Variants in C2CD3 observed in about 807,000 individuals in gnomAD.
C2CD3 encodes C2 domain-containing protein 3.
A neutral mutation model predicts 234.0 loss-of-function variants in C2CD3; 148 were observed. The ratio of observed to expected loss-of-function variants is 0.63; its 90% CI spans 0.55 to 0.72. C2CD3 has a LOEUF of 0.72. Ranked by LOEUF, C2CD3 falls within the 30% of genes least tolerant of loss-of-function variation. The pLI is 0.00. For missense variants in C2CD3, 2,577 were observed against 2,811.5 expected (o/e 0.92, Z 1.89); for synonymous variants, 1,000 against 1,035.4 (o/e 0.97, Z 0.66).
chr11:74,136,597 C>T (rs754492455), intron 5 of C2CD3, among the ~76,000 whole-genome samples: 2 of 152,164 alleles, frequency 1.3e-5, no homozygotes, highest in Non-Finnish European at 2.9e-5. Context: ...GCCTACCTCA[C>T]GTGACTTTTG....
At chr11:74,055,575 A>T (rs1192820355) in intron 25 of C2CD3, among the ~76,000 whole-genome samples, 1 of 152,248 alleles carries the variant, frequency 6.6e-6, no homozygotes, top group Non-Finnish European at 1.5e-5. Context: ...AATATTGGTC[A>T]GAGATTCTAA....
chr11:74,032,699 C>A (rs991244563), intron 31 of C2CD3, among the ~76,000 whole-genome samples: 2 of 151,874 alleles, frequency 1.3e-5, no homozygotes, highest in Admixed American at 1.3e-4. Flanking sequence ...CAGCAAGACC[C>A]CAACTCTTAA....
intron 24 of C2CD3, among the ~76,000 whole-genome samples, chr11:74,064,557 A>G (rs926038523): frequency 6.6e-6 from 1 of 152,214 alleles, no homozygotes; most frequent in Admixed American, 6.5e-5. Flanking sequence ...TCTTCACAGA[A>G]TTGGAAAAAA....
At chr11:74,156,551 T>C (rs1856038440) in intron 3 of C2CD3, among the ~76,000 whole-genome samples, 1 of 151,704 alleles carries the variant, frequency 6.6e-6, no homozygotes, top group Admixed American at 6.6e-5. Flanking sequence ...GGAGCACACC[T>C]GCAGTCCCAG....
intron 32 of C2CD3, 26 bp downstream of exon 32, chr11:74,028,261 G>A: frequency 6.9e-7 from 1 of 1,450,050 alleles, no homozygotes; most frequent in Middle Eastern, 1.7e-4. Flanking sequence ...CTCTATAGAA[G>A]AAAGGTCAGT....
At position 74,114,426 on chromosome 11, in the gene C2CD3, C is replaced by T; in HGVS notation, c.1688G>A (p.Ser563Asn). Residue 563 changes from serine (S) to asparagine (N), a missense_variant, in exon 10 of 33, where the codon AGC becomes AAC. Coordinates refer to ENST00000334126, the MANE Select transcript of C2CD3 (RefSeq NM_001286577.2). ...DSPQMTPGKKSYAGPPPKVTT... is the reference protein window; with the variant it reads ...DSPQMTPGKKNYAGPPPKVTT... ...CACCTTAGGTGGTGGACCAGCATAG[C>T]TTTTTTTGCCAGGGGTCATCTGAGG... The T allele has an allele frequency of 6.2e-7, 1 of 1,613,684 alleles. No homozygotes were observed. The highest frequency in any genetic ancestry group is 1.1e-5 in the South Asian group (1 of 91,068).
chr11:74,095,111 G>A, intron 17 of C2CD3, 117 bp downstream of exon 17: 1 of 577,298 alleles, frequency 1.7e-6, no homozygotes. Flanking sequence ...CTGTTTTACT[G>A]CCCAGTAAGA....
In C2CD3 at chr11:74,106,434, A is replaced by T; in HGVS notation, c.2022T>A (p.Leu674=). The T allele has an allele frequency of 6.2e-7, 1 of 1,613,952 alleles. No homozygotes were observed. Among genetic ancestry groups the T allele is most frequent in the Non-Finnish European group, 8.5e-7 (1 of 1,179,782 alleles). ...SLRAVIQSEL[L]SFSDQLPVQQ... is the part of the protein sequence containing the mutation. ...GCACTGGAAGCTGATCACTGAAAGA[A>T]AGCAGCTCTGATTGAATGACAGCTC... Residue 674 remains leucine (L), a synonymous_variant, in exon 13 of 33, where the codon CTT becomes CTA. Transcript: ENST00000334126.
chr11:74,159,410 G>C lies in C2CD3; in HGVS notation c.483+1989C>G, dbSNP rs529661719. 1.3e-4 allele frequency among the ~76,000 whole-genome samples: 20 copies of C among 152,274 alleles called. 1 individual carries two copies. Among genetic ancestry groups the C allele is most frequent in the African/African-American group, 4.6e-4 (19 of 41,550 alleles). On this transcript the variant is annotated intron_variant, in intron 3 of 32. Transcript: ENST00000334126. ...ATCATAGGAGATGACAGCTCCATGTGTGTGACTGACCCTAAGACCTTCCAG... is the reference window on the plus strand; with the variant it reads ...ATCATAGGAGATGACAGCTCCATGTCTGTGACTGACCCTAAGACCTTCCAG...
rs185903911 is a variant in C2CD3 at position 74,092,235 on chromosome 11, G to A, written c.3517+181C>T. On this transcript the variant is annotated intron_variant, in intron 19 of 32. Transcript: ENST00000334126. ...GCCTGGCTAATTTTTTTGTATTTTT[G>A]GTAGAGACGGGGTTTCTCCATGTTG... Among the ~76,000 whole-genome samples the A allele has an allele frequency of 0.029, 4,343 of 151,646 alleles. 197 individuals are homozygous for A. The highest frequency in any genetic ancestry group is 0.099 in the African/African-American group (4,075 of 41,308).
intron 13 of C2CD3, 22 bp downstream of exon 13, chr11:74,106,349 T>C (rs1341095005): frequency 6.2e-7 from 1 of 1,612,304 alleles, no homozygotes; most frequent in Admixed American, 1.7e-5. Flanking sequence ...ACTTCTGACT[T>C]CCTGAATGTA....
intron 9 of C2CD3, among the ~76,000 whole-genome samples, chr11:74,116,799 C>A (rs1166157098): frequency 7.1e-6 from 1 of 141,732 alleles, no homozygotes; most frequent in Non-Finnish European, 1.5e-5. Flanking sequence ...TACACACACA[C>A]ACGTATATAT....
rs142665056 is a variant in C2CD3, at chr11:74,139,678, G to A, written c.634C>T (p.Pro212Ser). The part of the protein sequence containing the change: ...SSTQFQVPSR[P>S]RDIHTIKIDG... ...ATTTTGATGGTATGTATGTCGCGAG[G>A]CCTTGATGGAACCTGAAACTGGGTA... is the stretch of plus-strand genomic sequence containing the variant. Residue 212 changes from proline to serine, a missense_variant, in exon 4 of 33, where the codon CCT (proline) becomes TCT (serine). Coordinates refer to ENST00000334126, the MANE Select transcript of C2CD3 (RefSeq NM_001286577.2). The A allele has an allele frequency of 1.5e-5, 24 of 1,613,790 alleles. No homozygotes were observed. In the African/African-American group the frequency reaches 3.1e-4, roughly 21 times the overall value.
Position 74,170,971 on chromosome 11 carries a change from G to A in C2CD3, c.-179C>T. ...TCTCCGGAAAACGGTGCGAAGAGAA[G>A]GCGCCAAGACGCCTTCCCTCCAATA... On this transcript the variant is annotated 5_prime_UTR_variant, in exon 1 of 33. Transcript: ENST00000334126. 5 of 1,425,410 alleles carry A rather than the reference G, an allele frequency of 3.5e-6. No homozygotes were observed. Among genetic ancestry groups the A allele is most frequent in the Non-Finnish European group, 4.7e-6 (5 of 1,066,794 alleles). The allele number at this position is 1,425,410 out of a possible 1,614,324, so 88.3% of individuals were successfully genotyped here.
At chr11:74,025,652 G>A (rs965876444) in intron 32 of C2CD3, among the ~76,000 whole-genome samples, 2 of 152,078 alleles carry the variant, frequency 1.3e-5, no homozygotes, top group Admixed American at 1.3e-4. Context: ...AGAGAGGCCT[G>A]AAGGCTTGTC....
chr11:74,044,449 C>T (rs1269112255), intron 28 of C2CD3, among the ~76,000 whole-genome samples: 4 of 140,248 alleles, frequency 2.9e-5, no homozygotes, highest in African/African-American at 1.2e-4. Flanking sequence ...GCAAGACTGT[C>T]TCAAAAAAAA....
intron 7 of C2CD3, among the ~76,000 whole-genome samples, chr11:74,127,516 T>C (rs911891350): frequency 7.2e-5 from 11 of 151,966 alleles, no homozygotes; most frequent in African/African-American, 2.7e-4. Context: ...AGTTGAATAA[T>C]GCTGGTATGA....
intron 16 of C2CD3, 61 bp from the exon 17 acceptor site, chr11:74,095,469 G>C: frequency 1.5e-6 from 2 of 1,326,066 alleles, no homozygotes; most frequent in Non-Finnish European, 2.1e-6. Context: ...GAATATTTCT[G>C]CTTCTCTATG....
At chr11:74,118,907 T>A (rs922090591) in intron 8 of C2CD3, among the ~76,000 whole-genome samples, 21 of 141,284 alleles carry the variant, frequency 1.5e-4, no homozygotes, top group African/African-American at 5.1e-4. Flanking sequence ...GATAGACTAT[T>A]TTTTTTTTTT....
Sources: allele counts gnomAD v4.1 joint callset (sites outside exome capture counted in the v4.1 genomes callset), GRCh38; gene constraint gnomAD v4.1.1; transcripts MANE v1.5; gene names NCBI Gene and HGNC (gene_info 2026-07-23, HGNC 2026-07-21).